ADGRG1: variants seen among roughly 807,000 people sequenced by gnomAD.
The protein encoded by ADGRG1 is adhesion G protein-coupled receptor G1, also known as 7-transmembrane protein with no EGF-like N-terminal domains-1.
A neutral mutation model predicts 73.5 loss-of-function variants in ADGRG1; 53 were observed. That is an observed-to-expected ratio of 0.72 (90% confidence interval 0.58 to 0.91). The LOEUF (loss-of-function observed/expected upper bound fraction) is 0.91. Among genes scored for constraint, ADGRG1 ranks in the 40% least tolerant of loss-of-function variants. The pLI, the probability that ADGRG1 is intolerant of heterozygous loss-of-function variation, is 0.00. For synonymous variants in ADGRG1, 394 were observed against 374.4 expected, an observed-to-expected ratio of 1.05 and a Z score of -0.60; for missense variants, 795 against 871.8, an observed-to-expected ratio of 0.91 and a Z score of 1.11.
chr16:57,652,884 C>T, intron 3 of ADGRG1: 1 of 1,220,718 alleles, frequency 8.2e-7, no homozygotes, highest in Non-Finnish European at 1.0e-6. Flanking sequence ...CACATCCCTC[C>T]TAAGGAGGCC....
At chr16:57,633,394 C>G (rs1442531456) in intron 1 of ADGRG1, 2 of 985,296 alleles carry the variant, frequency 2.0e-6, no homozygotes, top group African/African-American at 3.5e-5. Context: ...TCTCTGATAC[C>G]TAAATGCGGC....
At chr16:57,663,283 G>C (rs2047691531) in intron 13 of ADGRG1, 169 bp from the exon 14 acceptor site, 1 of 978,624 alleles carries the variant, frequency 1.0e-6, no homozygotes, top group Non-Finnish European at 1.2e-6. Context: ...GCAGCACAGT[G>C]CCCGGCTCAT....
chr16:57,650,500 C>T, intron 2 of ADGRG1, 149 bp downstream of exon 2: 2 of 1,440,090 alleles, frequency 1.4e-6, no homozygotes, highest in Non-Finnish European at 9.5e-7. Context: ...AAAGACACTC[C>T]TTCCTTCTGG....
At chr16:57,631,658 A>C in intron 1 of ADGRG1, 3 of 985,354 alleles carry the variant, frequency 3.0e-6, no homozygotes, top group Non-Finnish European at 3.6e-6. Flanking sequence ...AGGGGTGACC[A>C]GACACAGCAA....
Position 57,642,565 on chromosome 16 carries a change from T to C in ADGRG1, c.-35-7688T>C, listed in dbSNP as rs562995283. The C allele has an allele frequency of 1.3e-4, 130 of 965,508 alleles. No individual in the cohort carries two copies. In the African/African-American group the frequency reaches 2.0e-3, roughly 15 times the overall value. 59.8% of individuals were successfully genotyped at this position (965,508 alleles called of 1,614,324 possible). A position where few individuals can be genotyped will look rare whatever the true frequency, so the allele number is the denominator to read the frequency against. On this transcript the variant is annotated intron_variant, in intron 1 of 13. Transcript: ENST00000562631. ...TGGGAAACTGCCCAACCAAGCTTTA[T>C]GGGTTTCTTTCCTGCAGGACTTATC... is the stretch of plus-strand genomic sequence containing the variant.
chr16:57,642,272 G>A (rs1301783454), intron 1 of ADGRG1: 42 of 985,272 alleles, frequency 4.3e-5, no homozygotes, highest in Non-Finnish European at 4.7e-5. Context: ...GAAGGGAGGT[G>A]GGATAGGCCT....
intron 9 of ADGRG1, among the ~76,000 whole-genome samples, 157 bp downstream of exon 9, chr16:57,656,774 G>C (rs751888665): frequency 3.3e-5 from 5 of 152,222 alleles, no homozygotes; most frequent in Non-Finnish European, 5.9e-5. Flanking sequence ...TGGAGGCTCA[G>C]AGAGGTTAAG....
At chr16:57,658,370 GTCAGAT>G (rs1367748783) in intron 10 of ADGRG1, among the ~76,000 whole-genome samples, 2 of 152,244 alleles carry the variant, frequency 1.3e-5, no homozygotes, top group Non-Finnish European at 2.9e-5. Flanking sequence ...AGTGGCAGAG[GTCAGAT>G]TGTCAGTGCT....
chr16:57,637,612 T>C (rs930318384), intron 1 of ADGRG1: 2 of 985,278 alleles, frequency 2.0e-6, no homozygotes, highest in Non-Finnish European at 2.4e-6. Context: ...AGTCCTTTCT[T>C]TGCTTTCTTT....
At chr16:57,631,470 G>A in intron 1 of ADGRG1, 1 of 985,574 alleles carries the variant, frequency 1.0e-6, no homozygotes, top group Non-Finnish European at 1.2e-6. Context: ...GAAGTCGGGT[G>A]GAAGTAGGGA....
rs918282538 is a variant in ADGRG1, at chr16:57,628,935, T to C, written c.-36+133T>C. ...GTGTGAGAGTGAGTGTGAGTGTGAG[T>C]GTGAGCGTGAGAGTGTGAGAGTGTG... On this transcript the variant is annotated intron_variant, in intron 1 of 13. Coordinates refer to ENST00000562631, the MANE Select transcript of ADGRG1 (RefSeq NM_201525.4). The C allele has an allele frequency of 4.2e-5, 32 of 765,630 alleles. 1 individual carries two copies. Among genetic ancestry groups the C allele is most frequent in the African/African-American group, 1.2e-4 (5 of 43,102 alleles). The allele number at this position is 765,630 out of a possible 1,614,324, so 47.4% of individuals were successfully genotyped here. A position where few individuals can be genotyped will look rare whatever the true frequency, so the allele number is the denominator to read the frequency against.
At chr16:57,645,130 G>A in intron 1 of ADGRG1, 2 of 985,460 alleles carry the variant, frequency 2.0e-6, no homozygotes, top group Non-Finnish European at 2.4e-6. Context: ...GACCCCCTGG[G>A]CCAAATCCTT....
chr16:57,636,184 C>G lies in ADGRG1; in HGVS notation c.-36+7382C>G, dbSNP rs2039325972. 9.1e-6 allele frequency: 9 copies of G among 985,174 alleles called. No individual in the cohort carries two copies. The South Asian group carries it at 3.8e-4, about 41-fold the overall frequency. 61.0% of individuals were successfully genotyped at this position (985,174 alleles called of 1,614,324 possible). A position where few individuals can be genotyped will look rare whatever the true frequency, so the allele number is the denominator to read the frequency against. On this transcript the variant is annotated intron_variant, in intron 1 of 13. Coordinates refer to ENST00000562631, the MANE Select transcript of ADGRG1 (RefSeq NM_201525.4). ...TCTGCTACCTGGGCTCCCCTTAGGCCCGAACCACAGGAGTGGGCCTTTGAG... is the reference window on the plus strand; with the variant it reads ...TCTGCTACCTGGGCTCCCCTTAGGCGCGAACCACAGGAGTGGGCCTTTGAG...
At chr16:57,651,842 T>C (rs1287940183) in intron 3 of ADGRG1, 4 of 1,446,830 alleles carry the variant, frequency 2.8e-6, no homozygotes, top group Non-Finnish European at 3.6e-6. Context: ...TGTCCCTTGA[T>C]GGTTACTTTG....
chr16:57,639,357 G>A lies in ADGRG1; in HGVS notation c.-36+10555G>A, dbSNP rs149097498. ...TGCTGGGTCTGAGCCGGGGTGTGAC[G>A]TAGTCCCTGCAGCTGCCAACGGTTG... On this transcript the variant is annotated intron_variant, in intron 1 of 13. Transcript: ENST00000562631. 4,108 of 985,512 alleles carry A rather than the reference G, an allele frequency of 4.2e-3. 9 individuals are homozygous for A. The highest frequency in any genetic ancestry group is 4.6e-3 in the Non-Finnish European group (3,799 of 829,964). 61.0% of individuals were successfully genotyped at this position (985,512 alleles called of 1,614,324 possible). A position where few individuals can be genotyped will look rare whatever the true frequency, so the allele number is the denominator to read the frequency against.
chr16:57,638,390 G>A (rs1368420635), intron 1 of ADGRG1, among the ~76,000 whole-genome samples: 1 of 152,324 alleles, frequency 6.6e-6, no homozygotes, highest in African/African-American at 2.4e-5. Flanking sequence ...AAAATGCCCA[G>A]TGTAGTTCCT....
intron 1 of ADGRG1, chr16:57,630,169 AG>A (rs1301464939): frequency 2.4e-5 from 10 of 416,236 alleles, no homozygotes; most frequent in Non-Finnish European, 3.2e-5. Context: ...CCCAGAGCCA[AG>A]CCCCCTGCCC....
intron 1 of ADGRG1, chr16:57,634,403 T>G (rs2038832345): frequency 1.0e-6 from 1 of 985,310 alleles, no homozygotes; most frequent in African/African-American, 1.7e-5. Context: ...TGTCACCATC[T>G]GGGCACGGGC....
intron 1 of ADGRG1, chr16:57,646,407 C>T (rs2042653354): frequency 1.0e-6 from 1 of 985,496 alleles, no homozygotes; most frequent in Non-Finnish European, 1.2e-6. Context: ...GGCCACCTTC[C>T]ACTCTGCTGG....
Sources: gnomAD v4.1 joint callset for allele counts (sites outside exome capture counted in the v4.1 genomes callset) on GRCh38, gnomAD v4.1.1 for gene constraint, MANE v1.5 for transcripts, NCBI Gene and HGNC (gene_info 2026-07-23, HGNC 2026-07-21) for gene names.